The following TRAF5 variants were observed in gnomAD, a reference collection of about 807,000 sequenced individuals.
The protein encoded by TRAF5 is TNF receptor associated factor 5.
In TRAF5, 48 loss-of-function variants were observed where a neutral mutation model predicts 64.5. The observed-to-expected ratio is 0.74, with a 90% CI of 0.59 to 0.95. The LOEUF is 0.95. Ranked by LOEUF, TRAF5 falls within the 40% of genes least tolerant of loss-of-function variation. The pLI is 0.00. For synonymous variants in TRAF5, 206 were observed against 240.5 expected (o/e 0.86, Z 1.33); for missense variants, 545 against 662.8 (o/e 0.82, Z 1.95).
At position 211,359,762 on chromosome 1, in the gene TRAF5, C is replaced by G. The variant is rs933256603; in HGVS notation, c.379-150C>G. ...CCTCAGCAGAGACAGTGGGCAGCAT[C>G]CCCTGAGAGCCTACCCTCTGCCTTG... On this transcript the variant is annotated intron_variant, in intron 4 of 10. Coordinates refer to ENST00000261464, the MANE Select transcript of TRAF5 (RefSeq NM_001033910.3). 9.1e-6 allele frequency: 7 copies of G among 768,788 alleles called. No individual in the cohort carries two copies. In the African/African-American group the frequency reaches 1.2e-4, roughly 13 times the overall value. The allele number at this position is 768,788 out of a possible 1,614,324, so 47.6% of individuals were successfully genotyped here.
intron 3 of TRAF5, among the ~76,000 whole-genome samples, chr1:211,355,074 G>C (rs1325889892): frequency 1.3e-5 from 2 of 151,882 alleles, no homozygotes; most frequent in East Asian, 3.9e-4. Flanking sequence ...TTGGGAGGCC[G>C]AGGCACAAGA....
intron 9 of TRAF5, among the ~76,000 whole-genome samples, 181 bp downstream of exon 9, chr1:211,369,773 G>A (rs189796703): frequency 3.2e-4 from 48 of 152,244 alleles, no homozygotes; most frequent in Admixed American, 1.4e-3. Context: ...ATTTTGTCCC[G>A]TTTGCTTCAT....
chr1:211,361,055 A>G, intron 6 of TRAF5, 33 bp from the exon 7 acceptor site: 1 of 1,607,302 alleles, frequency 6.2e-7, no homozygotes, highest in Non-Finnish European at 8.5e-7. Context: ...ATAAGTGATG[A>G]ATTTCTATAG....
chr1:211,342,210 A>G (rs1173397037), intron 1 of TRAF5, among the ~76,000 whole-genome samples: 1 of 152,216 alleles, frequency 6.6e-6, no homozygotes, highest in African/African-American at 2.4e-5. Flanking sequence ...TTTACAAAAC[A>G]TGTGATGGGC....
At chr1:211,366,185 A>G (rs1318480682) in intron 8 of TRAF5, among the ~76,000 whole-genome samples, 1 of 152,230 alleles carries the variant, frequency 6.6e-6, no homozygotes, top group African/African-American at 2.4e-5. Flanking sequence ...ATCCATTTTC[A>G]GAAAAGGAGC....
chr1:211,353,736 T>G (rs1702870636), intron 2 of TRAF5: 1 of 456,696 alleles, frequency 2.2e-6, no homozygotes, highest in African/African-American at 2.0e-5. Context: ...GGGAGCTGGC[T>G]GTGGAGAAGG....
intron 2 of TRAF5, 91 bp from the exon 3 acceptor site, chr1:211,354,319 G>A: frequency 1.6e-6 from 2 of 1,277,422 alleles, no homozygotes; most frequent in Non-Finnish European, 2.2e-6. Context: ...CCTGCCCAGG[G>A]CTAGAGCATG....
chr1:211,369,779 T>C (rs2102771980), intron 9 of TRAF5, among the ~76,000 whole-genome samples, 187 bp downstream of exon 9: 1 of 152,314 alleles, frequency 6.6e-6, no homozygotes, highest in Middle Eastern at 3.4e-3. Flanking sequence ...TCCCGTTTGC[T>C]TCATCATTCA....
chr1:211,327,390 C>T (rs1189117450), intron 1 of TRAF5, among the ~76,000 whole-genome samples: 1 of 152,188 alleles, frequency 6.6e-6, no homozygotes, highest in Admixed American at 6.5e-5. Flanking sequence ...AATGAAACTT[C>T]AGGATTGCAA....
intron 1 of TRAF5, among the ~76,000 whole-genome samples, chr1:211,352,515 G>C (rs1242526622): frequency 7.0e-6 from 1 of 143,688 alleles, no homozygotes; most frequent in African/African-American, 2.6e-5. Context: ...TGTAGTGCCT[G>C]TAGTCCCAGC....
At position 211,365,684 on chromosome 1, in the gene TRAF5, G is replaced by C. The variant is rs1465883867; in HGVS notation, c.789+216G>C. ...TTGGGTCCATCCTCCTCATTCAACA[G>C]ATAAAATAACTGAACTCTGAGAAAT... On this transcript the variant is annotated intron_variant, in intron 8 of 10. Coordinates refer to ENST00000261464, the MANE Select transcript of TRAF5 (RefSeq NM_001033910.3). Among the ~76,000 whole-genome samples, 3 of 152,164 alleles carry C rather than the reference G, an allele frequency of 2.0e-5. No homozygotes were observed. In the South Asian group the frequency reaches 6.2e-4, roughly 31 times the overall value.
rs1220446865 is a variant in TRAF5 at position 211,326,859 on chromosome 1, G to C, written c.-32G>C. ...GGAGCAGCAGCCGCGCCTGCAGACC[G>C]GCCTCGCGGAGCCCGCGCGCCGAGC... On this transcript the variant is annotated 5_prime_UTR_variant, in exon 1 of 11. Coordinates refer to ENST00000261464, the MANE Select transcript of TRAF5 (RefSeq NM_001033910.3). This position sits in a 1 kb window ranked among gnomAD's most constrained non-coding sequence, Gnocchi z 5.0. 8 of 984,792 alleles carry C rather than the reference G, an allele frequency of 8.1e-6. No individual in the cohort carries two copies. In the African/African-American group the frequency reaches 1.2e-4, roughly 15 times the overall value. The allele number at this position is 984,792 out of a possible 1,614,324, so 61.0% of individuals were successfully genotyped here.
At chr1:211,358,349 G>A (rs1370100990) in intron 4 of TRAF5, 1 of 152,046 alleles carries the variant, frequency 6.6e-6, no homozygotes, top group Non-Finnish European at 1.5e-5. Context: ...GGTAGCTGGT[G>A]TCTGTAATCC....
At chr1:211,352,185 C>T (rs1296223357) in intron 1 of TRAF5, among the ~76,000 whole-genome samples, 1 of 152,128 alleles carries the variant, frequency 6.6e-6, no homozygotes, top group East Asian at 1.9e-4. Flanking sequence ...CATGTGGCTG[C>T]AGACGCCTCA....
At chr1:211,326,782 G>C (rs1702023985), upstream of TRAF5, 1 of 984,136 alleles carries the variant, frequency 1.0e-6, no homozygotes. This position sits in a 1 kb window ranked among gnomAD's most constrained non-coding sequence, Gnocchi z 5.0. Context: ...CCCGCGCCCC[G>C]GCCCCGCCCC....
intron 7 of TRAF5, among the ~76,000 whole-genome samples, chr1:211,364,515 G>A (rs749119477): frequency 2.2e-4 from 33 of 151,852 alleles, no homozygotes; most frequent in Non-Finnish European, 4.3e-4. Flanking sequence ...TGAAACCCCC[G>A]TCTCTACTAA....
At chr1:211,372,034 T>C in intron 10 of TRAF5, 94 bp from the exon 11 acceptor site, 1 of 1,094,790 alleles carries the variant, frequency 9.1e-7, no homozygotes, top group Non-Finnish European at 1.3e-6. Flanking sequence ...ATTTTGTTGA[T>C]TCTCTTTCAG....
rs991220961 is a variant in TRAF5 at position 211,360,851 on chromosome 1, G to T, written c.621+72G>T. The T allele has an allele frequency of 5.0e-6, 7 of 1,402,614 alleles. No individual in the cohort carries two copies. In the Admixed American group the frequency reaches 8.5e-5, roughly 17 times the overall value. 86.9% of individuals were successfully genotyped at this position (1,402,614 alleles called of 1,614,324 possible). A position where few individuals can be genotyped will look rare whatever the true frequency, so the allele number is the denominator to read the frequency against. On this transcript the variant is annotated intron_variant, in intron 6 of 10. Coordinates refer to ENST00000261464, the MANE Select transcript of TRAF5 (RefSeq NM_001033910.3). ...TTAGTAATCATTGTGGTCTGTGTTT[G>T]ATACAGTCCCAAAGATAAGGGCCCA...
At chr1:211,342,387 G>T (rs1031883446) in intron 1 of TRAF5, among the ~76,000 whole-genome samples, 2 of 151,194 alleles carry the variant, frequency 1.3e-5, no homozygotes, top group African/African-American at 4.9e-5. Flanking sequence ...GGTGTATATT[G>T]GCTACATGAG....
Sources: allele counts gnomAD v4.1 joint callset (sites outside exome capture counted in the v4.1 genomes callset), GRCh38; gene constraint gnomAD v4.1.1; non-coding constraint Gnocchi (gnomAD v3.1); transcripts MANE v1.5; gene names NCBI Gene and HGNC (gene_info 2026-07-23, HGNC 2026-07-21).